The following ZNF221 variants were observed in gnomAD, a reference collection of about 807,000 sequenced individuals.
The protein encoded by ZNF221 is zinc finger protein 221.
ZNF221 carries 10 observed loss-of-function variants against 12.6 expected under a neutral mutation model. The ratio of observed to expected loss-of-function variants is 0.79; its 90% confidence interval spans 0.49 to 1.34. The LOEUF (loss-of-function observed/expected upper bound fraction) is 1.34, where lower values mean the gene tolerates loss of function less well. Among genes scored for constraint, ZNF221 ranks in the 40% most tolerant of loss-of-function variants. ZNF221 has a pLI of 0.00. For synonymous variants in ZNF221, 232 were observed against 244.0 expected, an observed-to-expected ratio of 0.95 and a Z score of 0.46; for missense variants, 661 against 721.4, an observed-to-expected ratio of 0.92 and a Z score of 0.96.
intron 1 of ZNF221, chr19:43,960,316 GA>G (rs1974823116): frequency 6.6e-6 from 1 of 151,922 alleles, no homozygotes; most frequent in Non-Finnish European, 1.5e-5. Context: ...TTATATATGG[GA>G]GCAAAAAAAT....
At chr19:43,956,771 T>G (rs1371377074) in intron 1 of ZNF221, among the ~76,000 whole-genome samples, 2 of 152,232 alleles carry the variant, frequency 1.3e-5, no homozygotes, top group East Asian at 3.8e-4. Flanking sequence ...TGTTCAGACC[T>G]TTGTTTTAGC....
At chr19:43,952,294 G>A (rs1286308967) in intron 1 of ZNF221, among the ~76,000 whole-genome samples, 1 of 152,102 alleles carries the variant, frequency 6.6e-6, no homozygotes, top group East Asian at 1.9e-4. Context: ...CATTGTTTCC[G>A]CATCCTGACT....
the ZNF221 span, among the ~76,000 whole-genome samples, chr19:43,974,711 G>T: frequency 1.0e-3 from 102 of 101,180 alleles, 1 homozygote; most frequent in Admixed American, 4.1e-3. Context: ...AGTCACAATG[G>T]CAATTATAAA....
downstream of ZNF221, among the ~76,000 whole-genome samples, chr19:43,972,205 T>A (rs1975112392): frequency 6.6e-6 from 1 of 152,136 alleles, no homozygotes; most frequent in Non-Finnish European, 1.5e-5. Context: ...AATTAAGGCA[T>A]AGATCAAGAA....
rs1974971996 is a variant in ZNF221 at position 43,966,762 on chromosome 19, A to G, written c.1260A>G (p.Lys420=). Residue 420 remains lysine, a synonymous_variant, in exon 5 of 5, where the codon AAA becomes AAG. Transcript: ENST00000587682. The part of the protein sequence containing the change: ...LNHQQVHSGQ[K]SFKCEECGKG... ...ATCAGCAAGTCCACAGTGGACAAAAATCCTTCAAATGTGAAGAATGTGGGA... is the reference window on the plus strand; with the variant it reads ...ATCAGCAAGTCCACAGTGGACAAAAGTCCTTCAAATGTGAAGAATGTGGGA... 1 of 1,614,150 alleles carries G rather than the reference A, an allele frequency of 6.2e-7. No homozygotes were observed. Among genetic ancestry groups the G allele is most frequent in the Non-Finnish European group, 8.5e-7 (1 of 1,180,026 alleles).
the ZNF221 span, among the ~76,000 whole-genome samples, chr19:43,972,778 A>AAAAAAAAAG: frequency 6.7e-6 from 1 of 150,184 alleles, no homozygotes; most frequent in Non-Finnish European, 1.5e-5. Context: ...AAAAAAAAAA[A>AAAAAAAAAG]AAGCCCAGGA....
At position 43,966,007 on chromosome 19, in the gene ZNF221, C is replaced by G. The variant is rs1256927422; in HGVS notation, c.505C>G (p.Pro169Ala). The change falls in exon 5 of 5, where the codon CCT (proline) becomes GCT (alanine). Residue 169 changes from proline (P) to alanine (A), a missense_variant. Coordinates refer to ENST00000587682, the MANE Select transcript of ZNF221 (RefSeq NM_001297588.2). ...RLSISHVQQKPYRCNECKQSF... is the reference protein window; with the variant it reads ...RLSISHVQQKAYRCNECKQSF... ...ATCTATAAGTCACGTGCAACAGAAA[C>G]CTTACCGTTGTAATGAATGTAAACA... 1 of 1,614,214 alleles carries G rather than the reference C, an allele frequency of 6.2e-7. No homozygotes were observed. Among genetic ancestry groups the G allele is most frequent in the Non-Finnish European group, 8.5e-7 (1 of 1,180,024 alleles).
the ZNF221 span, among the ~76,000 whole-genome samples, chr19:43,975,149 AG>A: frequency 6.6e-6 from 1 of 152,200 alleles, no homozygotes; most frequent in East Asian, 1.9e-4. Flanking sequence ...AATTCCTCAA[AG>A]ATTTAGAGGC....
chr19:43,961,149 T>C (rs1336000171), intron 1 of ZNF221, among the ~76,000 whole-genome samples: 1 of 152,218 alleles, frequency 6.6e-6, no homozygotes, highest in Non-Finnish European at 1.5e-5. Flanking sequence ...AGCACAATCC[T>C]AACTTGCTGC....
At chr19:43,951,625 C>T (rs2147327651) in intron 1 of ZNF221, among the ~76,000 whole-genome samples, 1 of 152,178 alleles carries the variant, frequency 6.6e-6, no homozygotes, top group African/African-American at 2.4e-5. Flanking sequence ...ACTCTTTTTG[C>T]TTTTCTTTAA....
Position 43,966,444 on chromosome 19 carries a change from A to T in ZNF221, c.942A>T (p.Ile314=). 6.2e-7 allele frequency: 1 copy of T among 1,614,192 alleles called. No homozygotes were observed. Among genetic ancestry groups the T allele is most frequent in the African/African-American group, 1.3e-5 (1 of 75,048 alleles). The stretch of plus-strand genomic sequence containing the variant: ...GGGAGAAGCCATTCAAATGTGATAT[A>T]TGTGGTAAGAGCTTCCGTGTTAGAT... The part of the protein sequence containing the change: ...HTGEKPFKCD[I]CGKSFRVRSR... The change falls in exon 5 of 5, where the codon ATA becomes ATT. Residue 314 remains isoleucine, a synonymous_variant. Coordinates refer to ENST00000587682, the MANE Select transcript of ZNF221 (RefSeq NM_001297588.2).
the ZNF221 span, chr19:43,978,407 T>A: frequency 2.0e-5 from 3 of 152,296 alleles, no homozygotes; most frequent in East Asian, 5.8e-4. Flanking sequence ...CTTGTGGGGT[T>A]TTCTTAAACT....
chr19:43,980,027 A>C, the ZNF221 span, among the ~76,000 whole-genome samples: 4 of 152,222 alleles, frequency 2.6e-5, no homozygotes, highest in Non-Finnish European at 4.4e-5. Flanking sequence ...TTTCGGACAT[A>C]ATAGTCAAAC....
chr19:43,966,949 T>C lies in ZNF221; in HGVS notation c.1447T>C (p.Cys483Arg). Residue 483 changes from cysteine to arginine, a missense_variant, in exon 5 of 5, where the codon TGT becomes CGT. Transcript: ENST00000587682. ...TGERPYNCKE[C>R]GKSFGWASCL... Reference sequence around the variant, plus strand: ...TGAGAGACCCTATAATTGTAAGGAATGTGGCAAGAGCTTTGGCTGGGCCTC... The same window carrying C: ...TGAGAGACCCTATAATTGTAAGGAACGTGGCAAGAGCTTTGGCTGGGCCTC... 1 of 1,614,168 alleles carries C rather than the reference T, an allele frequency of 6.2e-7. No individual in the cohort carries two copies. Among genetic ancestry groups the C allele is most frequent in the Non-Finnish European group, 8.5e-7 (1 of 1,180,036 alleles).
At chr19:43,963,033 A>T (rs550379289) in intron 2 of ZNF221, among the ~76,000 whole-genome samples, 2 of 152,294 alleles carry the variant, frequency 1.3e-5, no homozygotes, top group Admixed American at 6.5e-5. Context: ...GGAATGGATA[A>T]TTCTTTCACT....
chr19:43,960,696 G>T (rs2147338218), intron 1 of ZNF221, among the ~76,000 whole-genome samples: 1 of 152,348 alleles, frequency 6.6e-6, no homozygotes, highest in South Asian at 2.1e-4. Context: ...AGCTTAGAGT[G>T]CCCCAGGCGC....
Position 43,966,038 on chromosome 19 carries a change from T to C in ZNF221, c.536T>C (p.Phe179Ser). The stretch of plus-strand genomic sequence containing the variant: ...CGTTGTAATGAATGTAAACAGTCCT[T>C]CAGTGATGTTTCTGTCTTTGATCTT... ...PYRCNECKQSFSDVSVFDLHQ... is the reference protein window; with the variant it reads ...PYRCNECKQSSSDVSVFDLHQ... Residue 179 changes from phenylalanine to serine, a missense_variant, in exon 5 of 5, where the codon TTC becomes TCC. By Grantham distance (155) the Phe-to-Ser change is radical. Transcript: ENST00000587682. The C allele has an allele frequency of 1.9e-6, 3 of 1,614,236 alleles. No individual in the cohort carries two copies. In the African/African-American group the frequency reaches 4.0e-5, roughly 22 times the overall value.
At chr19:43,964,884 T>C in intron 2 of ZNF221, 66 bp from the exon 3 acceptor site, 5 of 1,607,686 alleles carry the variant, frequency 3.1e-6, no homozygotes, top group South Asian at 2.2e-5. Context: ...TTTGCCTACT[T>C]AGTGCCACCC....
Position 43,967,150 on chromosome 19 carries a change from G to C in ZNF221, c.1648G>C (p.Asp550His). Residue 550 changes from aspartate to histidine, a missense_variant, in exon 5 of 5, where the codon GAC (aspartate) becomes CAC (histidine). Coordinates refer to ENST00000587682, the MANE Select transcript of ZNF221 (RefSeq NM_001297588.2). ...EKGYNSKFNL[D>H]MHQRVHGGER... Reference sequence around the variant, plus strand: ...GGGGTACAACAGTAAATTTAATCTTGACATGCACCAGAGGGTCCACGGGGG... The same window carrying C: ...GGGGTACAACAGTAAATTTAATCTTCACATGCACCAGAGGGTCCACGGGGG... 1 of 1,593,532 alleles carries C rather than the reference G, an allele frequency of 6.3e-7. No homozygotes were observed. Among genetic ancestry groups the C allele is most frequent in the Non-Finnish European group, 8.6e-7 (1 of 1,167,300 alleles).
Sources: allele counts gnomAD v4.1 joint callset (sites outside exome capture counted in the v4.1 genomes callset), GRCh38; gene constraint gnomAD v4.1.1; transcripts MANE v1.5; gene names NCBI Gene and HGNC (gene_info 2026-07-23, HGNC 2026-07-21).